GAS7: variants seen among roughly 807,000 people sequenced by gnomAD.
GAS7 encodes growth arrest specific 7, also known as growth arrest-specific protein 7.
In GAS7, 28 loss-of-function variants were observed where a neutral mutation model predicts 71.1. That is an observed-to-expected ratio of 0.39 (90% CI 0.29 to 0.54). The LOEUF is 0.54. Among genes scored for constraint, GAS7 ranks in the 20% least tolerant of loss-of-function variants. GAS7 has a pLI of 0.62. For missense variants in GAS7, 436 were observed against 627.8 expected (o/e 0.69, Z 3.27); for synonymous variants, 258 against 245.8 (o/e 1.05, Z -0.46).
At chr17:9,947,788 AC>A (rs1198989917) in intron 5 of GAS7, among the ~76,000 whole-genome samples, 1 of 151,280 alleles carries the variant, frequency 6.6e-6, no homozygotes, top group Non-Finnish European at 1.5e-5. Context: ...AGAAAATTTA[AC>A]AAGGAAAATG....
At chr17:10,158,089 C>A (rs1000822489) in intron 1 of GAS7, among the ~76,000 whole-genome samples, 16 of 152,198 alleles carry the variant, frequency 1.1e-4, no homozygotes, top group Admixed American at 6.5e-4. Flanking sequence ...CGGCTCACTG[C>A]AAGCTCTGCC....
chr17:9,938,601 T>C (rs2068485882), intron 8 of GAS7, among the ~76,000 whole-genome samples: 1 of 151,532 alleles, frequency 6.6e-6, no homozygotes, highest in South Asian at 2.1e-4. Context: ...GGGAGAGTCC[T>C]TACCAGGCAC....
chr17:9,946,339 T>C (rs1236499063), intron 6 of GAS7, among the ~76,000 whole-genome samples: 3 of 152,222 alleles, frequency 2.0e-5, no homozygotes, highest in Non-Finnish European at 2.9e-5. Context: ...TACATTCACA[T>C]GGTTGTGCGA....
intron 2 of GAS7, among the ~76,000 whole-genome samples, chr17:10,008,899 T>A (rs1208996675): frequency 6.6e-6 from 1 of 151,956 alleles, no homozygotes; most frequent in Admixed American, 6.6e-5. Context: ...CAGAAAAAAA[T>A]AGATGTATGT....
At chr17:9,960,383 T>G (rs952398674) in intron 4 of GAS7, among the ~76,000 whole-genome samples, 6 of 151,992 alleles carry the variant, frequency 3.9e-5, no homozygotes, top group African/African-American at 1.5e-4. Flanking sequence ...AGAGACAGGG[T>G]TTCACCATGT....
intron 1 of GAS7, among the ~76,000 whole-genome samples, chr17:10,064,924 C>T (rs192828076): frequency 6.6e-6 from 1 of 152,188 alleles, no homozygotes; most frequent in Non-Finnish European, 1.5e-5. Flanking sequence ...AACTCCTAGG[C>T]TCAAGTGATC....
intron 1 of GAS7, among the ~76,000 whole-genome samples, chr17:10,082,298 T>A (rs1203611114): frequency 6.6e-6 from 1 of 152,060 alleles, no homozygotes; most frequent in African/African-American, 2.4e-5. Context: ...GGAAAGGAAT[T>A]GGAAGAACAC....
chr17:10,153,519 CAAAA>C (rs11476862), intron 1 of GAS7, among the ~76,000 whole-genome samples: 4 of 117,730 alleles, frequency 3.4e-5, no homozygotes, highest in Admixed American at 8.8e-5. Flanking sequence ...CTTTGACTCA[CAAAA>C]AAAAAAAAAA....
intron 4 of GAS7, among the ~76,000 whole-genome samples, chr17:9,960,349 C>T (rs1446573703): frequency 6.6e-6 from 1 of 152,114 alleles, no homozygotes; most frequent in Non-Finnish European, 1.5e-5. Flanking sequence ...GCCAGCACGC[C>T]CAGCTAATTT....
chr17:9,990,205 C>T (rs1480706173), intron 2 of GAS7, among the ~76,000 whole-genome samples: 1 of 152,046 alleles, frequency 6.6e-6, no homozygotes, highest in Non-Finnish European at 1.5e-5. Flanking sequence ...GGAGGCAGAG[C>T]TTGCAGTGAG....
At chr17:10,197,997 C>T (rs1218695596) in intron 1 of GAS7, among the ~76,000 whole-genome samples, 1 of 152,182 alleles carries the variant, frequency 6.6e-6, no homozygotes, top group East Asian at 1.9e-4. Context: ...GTGGAAGCTC[C>T]CCGCGAGTCC....
chr17:10,012,316 C>T (rs1314662632), intron 2 of GAS7, among the ~76,000 whole-genome samples: 3 of 152,180 alleles, frequency 2.0e-5, no homozygotes, highest in Non-Finnish European at 4.4e-5. Flanking sequence ...GAGACAGTGG[C>T]TTGCTCTGTC....
intron 1 of GAS7, among the ~76,000 whole-genome samples, chr17:10,050,309 CAG>C (rs2073045431): frequency 6.6e-6 from 1 of 152,066 alleles, no homozygotes; most frequent in African/African-American, 2.4e-5. Flanking sequence ...TTTAAGAAAA[CAG>C]AGACAAAATG....
chr17:10,060,873 C>G (rs2073212545), intron 1 of GAS7, among the ~76,000 whole-genome samples: 1 of 152,132 alleles, frequency 6.6e-6, no homozygotes, highest in African/African-American at 2.4e-5. Context: ...TTTGTCCCCC[C>G]TGAGGACATT....
At chr17:10,018,774 C>T (rs1014999934) in intron 2 of GAS7, among the ~76,000 whole-genome samples, 1 of 152,130 alleles carries the variant, frequency 6.6e-6, no homozygotes, top group Non-Finnish European at 1.5e-5. Context: ...AGTAACGATA[C>T]CCCCAGGTGG....
intron 1 of GAS7, among the ~76,000 whole-genome samples, chr17:10,040,643 C>A (rs1181053727): frequency 1.3e-5 from 2 of 151,352 alleles, no homozygotes; most frequent in Non-Finnish European, 1.5e-5. Context: ...CAAGCCTACA[C>A]TTGCAAAATG....
intron 5 of GAS7, among the ~76,000 whole-genome samples, chr17:9,953,531 GGAA>G (rs2152106927): frequency 6.6e-6 from 1 of 152,310 alleles, no homozygotes; most frequent in East Asian, 1.9e-4. Context: ...CCACAGGGGA[GGAA>G]GAACAGCCTC....
intron 1 of GAS7, among the ~76,000 whole-genome samples, chr17:10,136,785 A>G (rs9915177): frequency 0.8 from 121,970 of 152,022 alleles, 49,498 homozygotes; most frequent in Non-Finnish European, 0.87. Context: ...AGTGGGAGGG[A>G]CACAAATTCC....
intron 9 of GAS7, among the ~76,000 whole-genome samples, chr17:9,928,175 C>T (rs904895856): frequency 1.6e-4 from 24 of 151,958 alleles, no homozygotes; most frequent in African/African-American, 4.6e-4. Flanking sequence ...TGCAGCGACG[C>T]GATCTCGGCT....
Sources: allele counts gnomAD v4.1 joint callset (sites outside exome capture counted in the v4.1 genomes callset), GRCh38; gene constraint gnomAD v4.1.1; transcripts MANE v1.5; gene names NCBI Gene and HGNC (gene_info 2026-07-23, HGNC 2026-07-21).